Variants in TAFA2 observed in about 807,000 individuals in gnomAD.
TAFA2 encodes the protein chemokine-like protein TAFA-2.
In TAFA2, 7 loss-of-function variants were observed where a neutral mutation model predicts 18.8. The ratio of observed to expected loss-of-function variants is 0.37; its 90% CI spans 0.21 to 0.70. The LOEUF (loss-of-function observed/expected upper bound fraction) is 0.70, where lower values mean the gene tolerates loss of function less well. TAFA2 is among the 30% of genes least tolerant of loss of function. The pLI, the probability that TAFA2 is intolerant of heterozygous loss-of-function variation, is 0.53. For synonymous variants in TAFA2, 60 were observed against 54.2 expected, an observed-to-expected ratio of 1.11 and a Z score of -0.47; for missense variants, 122 against 158.1, an observed-to-expected ratio of 0.77 and a Z score of 1.23.
rs187190516 is a variant in TAFA2 at position 61,823,839 on chromosome 12, A to G, written c.106+43481T>C. On this transcript the variant is annotated intron_variant, in intron 2 of 4. Transcript: ENST00000416284. Reference sequence around the variant, plus strand: ...CCAGAATCTGAGATAAGACTCACGCATGATCAAATAGGAACCACACACCAA... The same window carrying G: ...CCAGAATCTGAGATAAGACTCACGCGTGATCAAATAGGAACCACACACCAA... Among the ~76,000 whole-genome samples the G allele has an allele frequency of 4.5e-4, 69 of 152,304 alleles. 2 individuals carry two copies. The highest frequency in any genetic ancestry group is 4.4e-3 in the Admixed American group (68 of 15,292).
intron 1 of TAFA2, among the ~76,000 whole-genome samples, chr12:62,054,771 G>T (rs1021012686): frequency 1.3e-5 from 2 of 152,056 alleles, no homozygotes; most frequent in Admixed American, 1.3e-4. Context: ...ATTTTAAAAT[G>T]CATTGTTTTC....
intron 1 of TAFA2, among the ~76,000 whole-genome samples, chr12:61,871,148 GAA>G (rs948610524): frequency 6.6e-6 from 1 of 152,064 alleles, no homozygotes; most frequent in African/African-American, 2.4e-5. Context: ...AACTGAGAAG[GAA>G]AAGAGAAAAA....
chr12:61,951,326 T>A (rs1298538813), intron 1 of TAFA2, among the ~76,000 whole-genome samples: 1 of 152,194 alleles, frequency 6.6e-6, no homozygotes, highest in East Asian at 1.9e-4. Context: ...TGAAAGATTT[T>A]GTAAAACAAA....
chr12:61,925,308 T>C (rs1467277016), intron 1 of TAFA2, among the ~76,000 whole-genome samples: 2 of 152,176 alleles, frequency 1.3e-5, no homozygotes, highest in East Asian at 1.9e-4. Flanking sequence ...ATATAGCACT[T>C]ATTATAAAAT....
chr12:61,883,977 G>A (rs1875258119), intron 1 of TAFA2, among the ~76,000 whole-genome samples: 3 of 152,090 alleles, frequency 2.0e-5, no homozygotes. Flanking sequence ...CACTAAGTAG[G>A]TCCTCAATAA....
intron 1 of TAFA2, among the ~76,000 whole-genome samples, chr12:62,224,739 T>A (rs1218036102): frequency 6.6e-6 from 1 of 152,118 alleles, no homozygotes; most frequent in Non-Finnish European, 1.5e-5. Flanking sequence ...GTTCAGACTT[T>A]CAGTTTGGGA....
At chr12:62,197,992 G>A (rs1462232896) in intron 1 of TAFA2, among the ~76,000 whole-genome samples, 1 of 152,116 alleles carries the variant, frequency 6.6e-6, no homozygotes, top group Non-Finnish European at 1.5e-5. Context: ...TGGATCATAT[G>A]GTAGGGTATG....
At chr12:62,086,416 C>T (rs1416748700) in intron 1 of TAFA2, among the ~76,000 whole-genome samples, 1 of 152,006 alleles carries the variant, frequency 6.6e-6, no homozygotes, top group Non-Finnish European at 1.5e-5. Flanking sequence ...GGAATAATAT[C>T]CAGCATATAT....
chr12:61,785,690 T>C (rs778260060), intron 2 of TAFA2, among the ~76,000 whole-genome samples: 4 of 151,528 alleles, frequency 2.6e-5, no homozygotes, highest in Non-Finnish European at 4.4e-5. Flanking sequence ...AACATATTAC[T>C]TATTGACTCC....
intron 1 of TAFA2, among the ~76,000 whole-genome samples, chr12:62,050,429 G>T (rs140819303): frequency 0.068 from 10,380 of 151,938 alleles, 458 homozygotes; most frequent in Non-Finnish European, 0.11. Context: ...AAAATTAGCC[G>T]GGCGTGGTGG....
chr12:61,753,427 T>A (rs1869111959), intron 4 of TAFA2, among the ~76,000 whole-genome samples, 195 bp downstream of exon 4: 2 of 152,204 alleles, frequency 1.3e-5, no homozygotes, highest in Middle Eastern at 3.4e-3. Flanking sequence ...TTGATGGTAC[T>A]CTATGGAAGA....
chr12:62,009,218 T>C (rs1880651238), intron 1 of TAFA2, among the ~76,000 whole-genome samples: 1 of 152,110 alleles, frequency 6.6e-6, no homozygotes, highest in Non-Finnish European at 1.5e-5. Context: ...GTTAAGTGAA[T>C]TTGGGGGGCA....
At chr12:62,106,424 T>G (rs960159894) in intron 1 of TAFA2, among the ~76,000 whole-genome samples, 2 of 152,056 alleles carry the variant, frequency 1.3e-5, no homozygotes, top group Admixed American at 1.3e-4. Context: ...AGGCGAACAC[T>G]AAGGAGAGTC....
At chr12:61,774,588 T>C (rs1870174872) in intron 2 of TAFA2, among the ~76,000 whole-genome samples, 2 of 152,002 alleles carry the variant, frequency 1.3e-5, no homozygotes, top group Admixed American at 6.6e-5. Flanking sequence ...AAATATTGTA[T>C]GTTCTCACTT....
intron 1 of TAFA2, among the ~76,000 whole-genome samples, chr12:61,950,351 G>T (rs966407434): frequency 6.6e-6 from 1 of 152,092 alleles, no homozygotes; most frequent in Non-Finnish European, 1.5e-5. Context: ...ACTATTTTCC[G>T]TAGCTGCTGC....
intron 1 of TAFA2, among the ~76,000 whole-genome samples, chr12:62,076,521 A>G (rs1868249449): frequency 6.6e-6 from 1 of 152,128 alleles, no homozygotes. Context: ...ATCTACTCCA[A>G]TGAAATCTAA....
intron 1 of TAFA2, among the ~76,000 whole-genome samples, chr12:62,049,941 A>C (rs1383470496): frequency 1.3e-5 from 2 of 152,204 alleles, no homozygotes; most frequent in Non-Finnish European, 2.9e-5. Flanking sequence ...GCTTCGAAAA[A>C]TTTGCAAATT....
At chr12:61,941,989 C>A (rs1006874179) in intron 1 of TAFA2, among the ~76,000 whole-genome samples, 2 of 152,014 alleles carry the variant, frequency 1.3e-5, no homozygotes, top group African/African-American at 4.8e-5. Context: ...TAGGCTCCAC[C>A]TCTGGGGGCA....
At chr12:62,198,570 A>G (rs535688449) in intron 1 of TAFA2, among the ~76,000 whole-genome samples, 1 of 152,080 alleles carries the variant, frequency 6.6e-6, no homozygotes, top group African/African-American at 2.4e-5. Flanking sequence ...TAGGATTGCT[A>G]CCTACAAGCC....
Sources: allele counts gnomAD v4.1 joint callset (sites outside exome capture counted in the v4.1 genomes callset), GRCh38; gene constraint gnomAD v4.1.1; transcripts MANE v1.5; gene names NCBI Gene and HGNC (gene_info 2026-07-23, HGNC 2026-07-21).